Variants in ESRRB observed in about 807,000 individuals in gnomAD.
The protein encoded by ESRRB is estrogen related receptor beta, also known as steroid hormone receptor ERR2.
ESRRB carries 16 observed loss-of-function variants against 46.0 expected under a neutral mutation model. The observed-to-expected ratio is 0.35, with a 90% CI of 0.24 to 0.53. The LOEUF is 0.53. Ranked by LOEUF, ESRRB falls within the 20% of genes least tolerant of loss-of-function variation. ESRRB has a pLI of 0.93. For missense variants in ESRRB, 488 were observed against 607.4 expected (o/e 0.80, Z 2.07); for synonymous variants, 246 against 259.6 (o/e 0.95, Z 0.50).
intron 1 of ESRRB, among the ~76,000 whole-genome samples, chr14:76,400,668 G>A (rs182289087): frequency 2.0e-5 from 3 of 152,170 alleles, no homozygotes; most frequent in African/African-American, 7.2e-5. Context: ...GGAACCACTG[G>A]CCTAGAACCC....
chr14:76,424,692 G>C (rs905195507), intron 1 of ESRRB, among the ~76,000 whole-genome samples: 5 of 152,110 alleles, frequency 3.3e-5, no homozygotes, highest in Non-Finnish European at 5.9e-5. Context: ...CTCTGCACTG[G>C]GCAGAGCTCA....
In ESRRB at chr14:76,397,189, C is replaced by G. The variant is rs148407041; in HGVS notation, c.50+20738C>G. On this transcript the variant is annotated intron_variant, in intron 1 of 6. Transcript: ENST00000644823. ...TCTCATTGTTATTCCTTTGGCAGGG[C>G]CTTCGGATTCAGGTCACAGATAGAC... Among the ~76,000 whole-genome samples the G allele has an allele frequency of 4.1e-3, 626 of 152,290 alleles. 6 individuals carry two copies. The highest frequency in any genetic ancestry group is 0.014 in the African/African-American group (576 of 41,570).
rs115630469 is a variant in ESRRB at position 76,476,984 on chromosome 14, C to G, written c.578-5032C>G. On this transcript the variant is annotated intron_variant, in intron 3 of 6. Coordinates refer to ENST00000644823, the MANE Select transcript of ESRRB (RefSeq NM_001379180.1). ...GCACGCACCTGTGGTCCCAGCTACT[C>G]GAGAGGCTGAGGCATGAGAATGGCT... 3.6e-3 allele frequency among the ~76,000 whole-genome samples: 551 copies of G among 152,294 alleles called. 3 individuals carry two copies. Among genetic ancestry groups the G allele is most frequent in the African/African-American group, 0.013 (526 of 41,554 alleles).
At chr14:76,498,088 C>A in intron 6 of ESRRB, 126 bp from the exon 7 acceptor site, 1 of 1,136,538 alleles carries the variant, frequency 8.8e-7, no homozygotes, top group Non-Finnish European at 1.3e-6. Context: ...GATTGGCTCT[C>A]TGTGAAGAGA....
intron 1 of ESRRB, among the ~76,000 whole-genome samples, chr14:76,315,848 A>G (rs1883793730): frequency 6.6e-6 from 1 of 152,134 alleles, no homozygotes; most frequent in African/African-American, 2.4e-5. Flanking sequence ...TTAAACCACT[A>G]TGGGAGAGCA....
chr14:76,374,358 G>A (rs1294921846), upstream of ESRRB, among the ~76,000 whole-genome samples: 6 of 152,232 alleles, frequency 3.9e-5, no homozygotes, highest in East Asian at 9.7e-4. Context: ...GAAGATTCTG[G>A]CACTATATGG....
rs17104377 is a variant in ESRRB, at chr14:76,359,218, T to C, written c.2+48302T>C. On this transcript the variant is annotated intron_variant, in intron 1 of 6. Transcript: ENST00000512784. ...GGCACTATGATCTGTGCAGAATGAA[T>C]TGATTTTAACTGACCCTACTGATGT... is the stretch of plus-strand genomic sequence containing the variant. Among the ~76,000 whole-genome samples, 1,121 of 152,296 alleles carry C rather than the reference T, an allele frequency of 7.4e-3. 37 individuals are homozygous for C. The highest frequency in any genetic ancestry group is 0.056 in the East Asian group (290 of 5,172).
At chr14:76,475,178 G>A (rs923365330) in intron 3 of ESRRB, among the ~76,000 whole-genome samples, 1 of 151,990 alleles carries the variant, frequency 6.6e-6, no homozygotes, top group Non-Finnish European at 1.5e-5. Context: ...AGGATGCAGA[G>A]AGCCAGCCTG....
At chr14:76,487,518 T>C (rs548402990) in intron 5 of ESRRB, among the ~76,000 whole-genome samples, 81 of 152,244 alleles carry the variant, frequency 5.3e-4, no homozygotes, top group African/African-American at 1.2e-3. Flanking sequence ...TTTTTTTTTC[T>C]ATTTTGAATC....
At chr14:76,398,044 A>T (rs1053783027) in intron 1 of ESRRB, among the ~76,000 whole-genome samples, 1 of 152,166 alleles carries the variant, frequency 6.6e-6, no homozygotes, top group African/African-American at 2.4e-5. Flanking sequence ...TCACTTTTTT[A>T]TGTCTAGCCT....
At chr14:76,371,229 T>TAA (rs1884617817), upstream of ESRRB, 1 of 152,214 alleles carries the variant, frequency 6.6e-6, no homozygotes, top group Non-Finnish European at 1.5e-5. Context: ...GTATTAGCGT[T>TAA]ATCAGTTAAT....
intron 1 of ESRRB, among the ~76,000 whole-genome samples, chr14:76,423,292 T>C (rs1887054233): frequency 6.6e-6 from 1 of 151,932 alleles, no homozygotes; most frequent in Non-Finnish European, 1.5e-5. Context: ...TACAGATGTG[T>C]GCCACCACAC....
At chr14:76,432,201 G>A (rs1370153118) in intron 1 of ESRRB, among the ~76,000 whole-genome samples, 2 of 152,206 alleles carry the variant, frequency 1.3e-5, no homozygotes, top group African/African-American at 2.4e-5. Flanking sequence ...ATACTTGGGG[G>A]CAGGGTGCTA....
At chr14:76,409,338 G>A (rs563993068) in intron 1 of ESRRB, among the ~76,000 whole-genome samples, 49 of 152,248 alleles carry the variant, frequency 3.2e-4, no homozygotes, top group African/African-American at 1.1e-3. Context: ...AGGAGTTGGA[G>A]GGTGGGTTAA....
chr14:76,375,782 G>A (rs1884738148), upstream of ESRRB, among the ~76,000 whole-genome samples: 1 of 152,194 alleles, frequency 6.6e-6, no homozygotes, highest in African/African-American at 2.4e-5. Context: ...AAGGCTGAGA[G>A]GTGAGTTTGC....
At chr14:76,496,367 G>T (rs1890425544) in intron 6 of ESRRB, among the ~76,000 whole-genome samples, 1 of 97,614 alleles carries the variant, frequency 1.0e-5, no homozygotes, top group Non-Finnish European at 2.4e-5. Flanking sequence ...TAGACTCTGA[G>T]TGGGGTCTTA....
At chr14:76,452,631 AC>A (rs1566906493) in intron 2 of ESRRB, among the ~76,000 whole-genome samples, 6,002 of 95,514 alleles carry the variant, frequency 0.063, 463 homozygotes, top group African/African-American at 0.21. Flanking sequence ...AAAAAAAAAA[AC>A]AAAACAAAAA....
intron 1 of ESRRB, among the ~76,000 whole-genome samples, chr14:76,335,196 C>T (rs146498729): frequency 0.01 from 1,554 of 152,290 alleles, 19 homozygotes; most frequent in African/African-American, 0.036. Flanking sequence ...CCTTGAATCT[C>T]CATTAGCCAA....
At chr14:76,469,944 C>T (rs113593558) in intron 3 of ESRRB, among the ~76,000 whole-genome samples, 13,426 of 69,004 alleles carry the variant, frequency 0.19, 295 homozygotes, top group Middle Eastern at 0.22. Context: ...TTTTTTTTTT[C>T]TTTTTTTTTT....
Sources: allele counts gnomAD v4.1 joint callset (sites outside exome capture counted in the v4.1 genomes callset), GRCh38; gene constraint gnomAD v4.1.1; transcripts MANE v1.5; gene names NCBI Gene and HGNC (gene_info 2026-07-23, HGNC 2026-07-21).